PDE12: variants seen among roughly 807,000 people sequenced by gnomAD.
PDE12 encodes 2',5'-phosphodiesterase 12.
In PDE12, 26 loss-of-function variants were observed where a neutral mutation model predicts 45.4. The ratio of observed to expected loss-of-function variants is 0.57; its 90% CI spans 0.42 to 0.79. PDE12 has a LOEUF of 0.79. Among genes scored for constraint, PDE12 ranks in the 30% least tolerant of loss-of-function variants. The pLI is 0.00. For synonymous variants in PDE12, 283 were observed against 323.9 expected, an observed-to-expected ratio of 0.87 and a Z score of 1.36; for missense variants, 668 against 790.0, an observed-to-expected ratio of 0.85 and a Z score of 1.85.
chr3:57,644,393 C>T, the PDE12 span, among the ~76,000 whole-genome samples: 1 of 151,796 alleles, frequency 6.6e-6, no homozygotes, highest in Non-Finnish European at 1.5e-5. Context: ...GCAACCTCTG[C>T]CTCCTAGGCT....
At chr3:57,573,934 T>G in the PDE12 span, among the ~76,000 whole-genome samples, 4 of 144,014 alleles carry the variant, frequency 2.8e-5, no homozygotes, top group South Asian at 2.2e-4. Flanking sequence ...CAATAGGTTG[T>G]TTTTTTTTGT....
At position 57,560,204 on chromosome 3, in the gene PDE12, T is replaced by C. The variant is rs1254476973; in HGVS notation, c.*200T>C. The C allele has an allele frequency of 7.0e-6, 9 of 1,282,858 alleles. No individual in the cohort carries two copies. The highest frequency in any genetic ancestry group is 8.8e-6 in the Non-Finnish European group (9 of 1,017,096). 79.5% of individuals were successfully genotyped at this position (1,282,858 alleles called of 1,614,324 possible). Reference sequence around the variant, plus strand: ...TCTCTTTCCTTGTTTTCCTCTACAATTGGAGGAGAAACAAATATATTTCTT... The same window carrying C: ...TCTCTTTCCTTGTTTTCCTCTACAACTGGAGGAGAAACAAATATATTTCTT... On this transcript the variant is annotated 3_prime_UTR_variant, in exon 3 of 3. Transcript: ENST00000311180.
the PDE12 span, among the ~76,000 whole-genome samples, chr3:57,585,277 G>C: frequency 6.6e-6 from 1 of 152,092 alleles, no homozygotes; most frequent in South Asian, 2.1e-4. Flanking sequence ...GTAAAATTTG[G>C]GTAACAGATT....
chr3:57,611,733 C>T, the PDE12 span, among the ~76,000 whole-genome samples: 2 of 152,156 alleles, frequency 1.3e-5, no homozygotes, highest in Non-Finnish European at 2.9e-5. Flanking sequence ...CGTCAGGAAA[C>T]AACAGGTGCT....
chr3:57,654,307 T>C, the PDE12 span, among the ~76,000 whole-genome samples: 17 of 152,218 alleles, frequency 1.1e-4, no homozygotes, highest in African/African-American at 4.1e-4. Flanking sequence ...GAGAAAGATA[T>C]AGTATGTTAT....
chr3:57,569,641 C>T (rs1274525115), downstream of PDE12, among the ~76,000 whole-genome samples: 1 of 151,906 alleles, frequency 6.6e-6, no homozygotes, highest in Non-Finnish European at 1.5e-5. Flanking sequence ...CAGATGTGAG[C>T]CACCCCACCC....
chr3:57,654,120 T>C, the PDE12 span, among the ~76,000 whole-genome samples: 3 of 150,830 alleles, frequency 2.0e-5, no homozygotes, highest in South Asian at 2.1e-4. Flanking sequence ...GCTAATTTTT[T>C]TTTTTTTTGT....
chr3:57,559,577 T>G lies in PDE12; in HGVS notation c.1403T>G (p.Leu468Arg), dbSNP rs2069705020. The change falls in exon 3 of 3, where the codon CTC (leucine) becomes CGC (arginine). Residue 468 changes from leucine (L) to arginine (R), a missense_variant. Leu to Arg is a moderately radical substitution (Grantham distance 102). Around this residue, in one of 3 missense-constraint regions of PDE12, gnomAD observed 580 missense variants for 662.9 expected, o/e 0.87. Coordinates refer to ENST00000311180, the MANE Select transcript of PDE12 (RefSeq NM_177966.7). Reference sequence around the variant, plus strand: ...ATATTCATAGGTGGGTATATTCGCCTCATTCAAATGGCAGTAGCCTTGGCT... The same window carrying G: ...ATATTCATAGGTGGGTATATTCGCCGCATTCAAATGGCAGTAGCCTTGGCT... ...YWHPKGGYIR[L>R]IQMAVALAHI... 1 of 1,606,478 alleles carries G rather than the reference T, an allele frequency of 6.2e-7. No individual in the cohort carries two copies. The highest frequency in any genetic ancestry group is 1.3e-5 in the African/African-American group (1 of 74,768).
At chr3:57,572,669 C>T in the PDE12 span, among the ~76,000 whole-genome samples, 2 of 152,098 alleles carry the variant, frequency 1.3e-5, no homozygotes, top group South Asian at 4.1e-4. Context: ...GAGTGAGACT[C>T]CGTCTCAATC....
rs201886445 is a variant in PDE12 at position 57,556,545 on chromosome 3, G to A, written c.166G>A (p.Ala56Thr). 6.2e-6 allele frequency: 10 copies of A among 1,613,540 alleles called. No individual in the cohort carries two copies. The East Asian group carries it at 2.2e-4, about 36-fold the overall frequency. The change falls in exon 1 of 3, where the codon GCT becomes ACT. Residue 56 changes from alanine to threonine, a missense_variant. Coordinates refer to ENST00000311180, the MANE Select transcript of PDE12 (RefSeq NM_177966.7). This position sits in a 1 kb window ranked among gnomAD's most constrained non-coding sequence, Gnocchi z 5.0. Reference sequence around the variant, plus strand: ...CAAGCTGAGCCTGTCATTCGCTTTGGCTGATGGTAGCCACAAGAACATGCA... The same window carrying A: ...CAAGCTGAGCCTGTCATTCGCTTTGACTGATGGTAGCCACAAGAACATGCA... ...EPKLSLSFAL[A>T]DGSHKNMQRD...
chr3:57,577,875 G>A, the PDE12 span, among the ~76,000 whole-genome samples: 2 of 151,850 alleles, frequency 1.3e-5, no homozygotes, highest in East Asian at 2.0e-4. Context: ...GCAACATGGC[G>A]AAAGGTCATC....
the PDE12 span, among the ~76,000 whole-genome samples, chr3:57,607,127 G>C: frequency 6.6e-6 from 1 of 152,144 alleles, no homozygotes; most frequent in Admixed American, 6.5e-5. Context: ...CTGATACCTA[G>C]GCAAACAGGG....
At chr3:57,614,918 G>A in the PDE12 span, among the ~76,000 whole-genome samples, 40 of 151,364 alleles carry the variant, frequency 2.6e-4, no homozygotes, top group African/African-American at 9.4e-4. Flanking sequence ...GCTTGAATCC[G>A]GGCGGCAGAT....
At chr3:57,592,197 T>C in the PDE12 span, among the ~76,000 whole-genome samples, 1 of 152,258 alleles carries the variant, frequency 6.6e-6, no homozygotes, top group East Asian at 1.9e-4. Context: ...ATACTGTATC[T>C]TAATATTTTG....
chr3:57,644,136 C>G, the PDE12 span, among the ~76,000 whole-genome samples: 3 of 148,428 alleles, frequency 2.0e-5, no homozygotes, highest in Non-Finnish European at 4.5e-5. Context: ...GATGACAGTG[C>G]CAGACTCCAT....
At chr3:57,628,567 T>C in the PDE12 span, among the ~76,000 whole-genome samples, 24 of 152,308 alleles carry the variant, frequency 1.6e-4, no homozygotes, top group African/African-American at 2.4e-4. Context: ...CCTAGAAATA[T>C]AAGTGACAAT....
chr3:57,631,716 CTTTTTTTTTT>C, the PDE12 span, among the ~76,000 whole-genome samples: 1 of 92,016 alleles, frequency 1.1e-5, no homozygotes, highest in East Asian at 4.0e-4. Context: ...TCTCTGCTCT[CTTTTTTTTTT>C]TTTTTTTTTT....
the PDE12 span, among the ~76,000 whole-genome samples, chr3:57,599,852 C>CTTT: frequency 0.011 from 1,444 of 129,282 alleles, 13 homozygotes; most frequent in Non-Finnish European, 0.018. Context: ...TATTTACACT[C>CTTT]TTTTTTTTTT....
chr3:57,654,703 A>C, the PDE12 span: 16 of 985,008 alleles, frequency 1.6e-5, no homozygotes, highest in Non-Finnish European at 1.8e-5. Context: ...CTGAAACCAA[A>C]GGCGTGGTCC....
Sources: allele counts gnomAD v4.1 joint callset (sites outside exome capture counted in the v4.1 genomes callset), GRCh38; gene constraint gnomAD v4.1.1; regional missense constraint gnomAD v4.1.1; non-coding constraint Gnocchi (gnomAD v3.1); transcripts MANE v1.5; gene names NCBI Gene and HGNC (gene_info 2026-07-23, HGNC 2026-07-21).